SLC9C1: variants seen among roughly 807,000 people sequenced by gnomAD.
SLC9C1 encodes the protein solute carrier family 9 member C1, also known as sodium/hydrogen exchanger 10.
A neutral mutation model predicts 140.9 loss-of-function variants in SLC9C1; 97 were observed. The ratio of observed to expected loss-of-function variants is 0.69; its 90% CI spans 0.58 to 0.82. SLC9C1 has a LOEUF of 0.82. SLC9C1 is among the 40% of genes least tolerant of loss of function. The pLI is 0.00. For synonymous variants in SLC9C1, 440 were observed against 442.6 expected (o/e 0.99, Z 0.07); for missense variants, 1,340 against 1,389.3 (o/e 0.96, Z 0.56).
intron 1 of SLC9C1, among the ~76,000 whole-genome samples, chr3:112,291,469 T>A (rs1337289422): frequency 1.3e-5 from 2 of 151,846 alleles, no homozygotes; most frequent in South Asian, 4.2e-4. Context: ...GACAAGACAC[T>A]TCTAAAAAGA....
rs1188137701 is a variant in SLC9C1 at position 112,231,391 on chromosome 3, C to T, written c.1542G>A (p.Leu514=). The change falls in exon 13 of 29, where the codon CTG becomes CTA. Residue 514 remains leucine (L), a synonymous_variant. Coordinates refer to ENST00000305815, the MANE Select transcript of SLC9C1 (RefSeq NM_183061.3). ...DEIFNTEAME[L]ANRRLLSAQI... ...GTGCTGACAAGAGACGCCTGTTGGC[C>T]AGCTCCATTGCTTCAGTGTTAAAGA... 1 of 1,613,316 alleles carries T rather than the reference C, an allele frequency of 6.2e-7. No individual in the cohort carries two copies. Among genetic ancestry groups the T allele is most frequent in the African/African-American group, 1.3e-5 (1 of 74,900 alleles).
intron 26 of SLC9C1, among the ~76,000 whole-genome samples, chr3:112,157,055 G>A (rs2075145487): frequency 6.6e-6 from 1 of 151,894 alleles, no homozygotes; most frequent in African/African-American, 2.4e-5. Context: ...TTTTGGCTTT[G>A]GTTGTCTGTT....
chr3:112,156,364 A>G (rs2075128217), intron 26 of SLC9C1, among the ~76,000 whole-genome samples: 1 of 152,088 alleles, frequency 6.6e-6, no homozygotes, highest in African/African-American at 2.4e-5. Flanking sequence ...ATAATATTCC[A>G]TTGTGTATAT....
intron 1 of SLC9C1, among the ~76,000 whole-genome samples, chr3:112,290,137 C>T (rs4682395): frequency 0.29 from 44,012 of 152,064 alleles, 6,504 homozygotes; most frequent in East Asian, 0.4. Context: ...TCAATGTCAC[C>T]TCTTAACTTG....
chr3:112,186,054 G>T, intron 20 of SLC9C1: 1 of 1,214,412 alleles, frequency 8.2e-7, no homozygotes, highest in Non-Finnish European at 1.1e-6. Flanking sequence ...CCGCTGCACA[G>T]TGCACTTTCA....
At chr3:112,212,096 G>T (rs1048005826) in intron 15 of SLC9C1, among the ~76,000 whole-genome samples, 1 of 152,164 alleles carries the variant, frequency 6.6e-6, no homozygotes, top group Non-Finnish European at 1.5e-5. Context: ...AGGCAAACAG[G>T]GTCTGGAGTG....
At chr3:112,218,442 T>C (rs1259925053) in intron 14 of SLC9C1, among the ~76,000 whole-genome samples, 1 of 4,342 alleles carries the variant, frequency 2.3e-4, no homozygotes, top group East Asian at 0.25. Context: ...AACTTGTATA[T>C]ATATTTTTTT....
chr3:112,217,029 A>T (rs1225844284), intron 15 of SLC9C1, among the ~76,000 whole-genome samples: 1 of 152,202 alleles, frequency 6.6e-6, no homozygotes, highest in Non-Finnish European at 1.5e-5. Flanking sequence ...GCAGCCATAA[A>T]AAGGGATGAG....
At position 112,239,928 on chromosome 3, in the gene SLC9C1, G is replaced by T. The variant is rs939706195; in HGVS notation, c.1358C>A (p.Ala453Glu). 6.2e-7 allele frequency: 1 copy of T among 1,613,968 alleles called. No homozygotes were observed. The highest frequency in any genetic ancestry group is 1.7e-5 in the Admixed American group (1 of 60,014). The change falls in exon 12 of 29, where the codon GCA (alanine) becomes GAA (glutamate). Residue 453 changes from alanine to glutamate, a missense_variant. Ala to Glu is a moderately radical substitution (Grantham distance 107). Coordinates refer to ENST00000305815, the MANE Select transcript of SLC9C1 (RefSeq NM_183061.3). ...FQHFQELTKS[A>E]ASALKFDKDL... ...TTTGTCAAATTTAAGGGCAGAGGCTGCAGACTTGGTTAGCTCTTGAAAGTG... is the reference window on the plus strand; with the variant it reads ...TTTGTCAAATTTAAGGGCAGAGGCTTCAGACTTGGTTAGCTCTTGAAAGTG...
intron 11 of SLC9C1, among the ~76,000 whole-genome samples, chr3:112,240,645 T>C (rs2079115552): frequency 6.6e-6 from 1 of 152,218 alleles, no homozygotes; most frequent in Non-Finnish European, 1.5e-5. Context: ...ACTTGTACCA[T>C]TGGCTCTTGG....
intron 16 of SLC9C1, among the ~76,000 whole-genome samples, chr3:112,206,254 A>G (rs2108054861): frequency 6.6e-6 from 1 of 152,184 alleles, no homozygotes; most frequent in African/African-American, 2.4e-5. Context: ...AAAAATGCTC[A>G]TCATCACTGG....
chr3:112,217,611 G>A lies in SLC9C1; in HGVS notation c.1671-50C>T, dbSNP rs765041558. ...ACATGCTTTAAACATTTTGAGATAA[G>A]TTTAATGTTGTACTGGAAGTTTAAT... On this transcript the variant is annotated intron_variant, in intron 14 of 28. Transcript: ENST00000305815. 8.1e-6 allele frequency: 12 copies of A among 1,489,872 alleles called. No homozygotes were observed. In the East Asian group the frequency reaches 2.8e-4, roughly 35 times the overall value. The allele number at this position is 1,489,872 out of a possible 1,614,324, so 92.3% of individuals were successfully genotyped here. A position where few individuals can be genotyped will look rare whatever the true frequency, so the allele number is the denominator to read the frequency against.
intron 12 of SLC9C1, among the ~76,000 whole-genome samples, chr3:112,238,884 G>T (rs537685717): frequency 5.9e-5 from 9 of 152,198 alleles, no homozygotes; most frequent in Non-Finnish European, 1.0e-4. Context: ...GGTGCCTCCC[G>T]GTTAGGCTAT....
intron 20 of SLC9C1, chr3:112,185,773 G>T: frequency 2.6e-6 from 4 of 1,546,726 alleles, no homozygotes; most frequent in Middle Eastern, 4.4e-4. Context: ...GAGGGCGTCC[G>T]CACGATGCGG....
chr3:112,180,270 C>T (rs1311454018), intron 22 of SLC9C1, among the ~76,000 whole-genome samples: 1 of 152,186 alleles, frequency 6.6e-6, no homozygotes, highest in Non-Finnish European at 1.5e-5. Context: ...GCCTGTAACC[C>T]CAGCACTTTG....
intron 19 of SLC9C1, 101 bp from the exon 20 acceptor site, chr3:112,199,570 G>T: frequency 1.2e-6 from 1 of 849,138 alleles, no homozygotes; most frequent in Non-Finnish European, 1.7e-6. Flanking sequence ...ATGGAATACC[G>T]CCCTCAACAC....
rs2078113856 is a variant in SLC9C1, at chr3:112,208,386, AAGAC to A, written c.1791-17_1791-14del. ...AAAAAAGAAGTATCTGTAAAACAAA[AAGAC>A]AGTTTTATCTGATAAAAGGTTTACA... On this transcript the variant is annotated splice_polypyrimidine_tract_variant and intron_variant, in intron 15 of 28. Coordinates refer to ENST00000305815, the MANE Select transcript of SLC9C1 (RefSeq NM_183061.3). 2.7e-6 allele frequency: 4 copies of A among 1,499,736 alleles called. No homozygotes were observed. The highest frequency in any genetic ancestry group is 2.0e-4 in the Middle Eastern group (1 of 4,938). 92.9% of individuals were successfully genotyped at this position (1,499,736 alleles called of 1,614,324 possible).
In SLC9C1 at chr3:112,203,053, T is replaced by C. The variant is rs865780061; in HGVS notation, c.2173-654A>G. Among the ~76,000 whole-genome samples, 7 of 152,176 alleles carry C rather than the reference T, an allele frequency of 4.6e-5. 1 individual carries two copies. In the South Asian group the frequency reaches 1.0e-3, roughly 23 times the overall value. On this transcript the variant is annotated intron_variant, in intron 17 of 28. Transcript: ENST00000305815. ...TTCAAGATTCAGCTCAAGTATCACC[T>C]AATAAATGAAGTCTTTTCTCATTCT...
chr3:112,180,798 C>A, intron 21 of SLC9C1, 136 bp from the exon 22 acceptor site: 1 of 663,654 alleles, frequency 1.5e-6, no homozygotes, highest in Non-Finnish European at 2.5e-6. Flanking sequence ...TGCAGTGGTG[C>A]AATCTTGGCT....
Sources: allele counts gnomAD v4.1 joint callset (sites outside exome capture counted in the v4.1 genomes callset), GRCh38; gene constraint gnomAD v4.1.1; transcripts MANE v1.5; gene names NCBI Gene and HGNC (gene_info 2026-07-23, HGNC 2026-07-21).